ADORA2B: variants seen among roughly 807,000 people sequenced by gnomAD.
ADORA2B encodes the protein adenosine receptor A2b.
In ADORA2B, 18 loss-of-function variants were observed where a neutral mutation model predicts 20.8. That is an observed-to-expected ratio of 0.87 (90% CI 0.60 to 1.29). The LOEUF (loss-of-function observed/expected upper bound fraction) is 1.29, where lower values mean the gene tolerates loss of function less well. Among genes scored for constraint, ADORA2B ranks in the 50% most tolerant of loss-of-function variants. ADORA2B has a pLI of 0.00. For synonymous variants in ADORA2B, 179 were observed against 178.3 expected, an observed-to-expected ratio of 1.00 and a Z score of -0.03; for missense variants, 441 against 422.7, an observed-to-expected ratio of 1.04 and a Z score of -0.38.
chr17:15,953,934 A>G (rs1008395949), intron 1 of ADORA2B, among the ~76,000 whole-genome samples: 13 of 151,682 alleles, frequency 8.6e-5, no homozygotes, highest in African/African-American at 3.1e-4. Flanking sequence ...TATTGAACAC[A>G]TTTGCATTAT....
the ADORA2B span, among the ~76,000 whole-genome samples, chr17:15,876,458 T>C: frequency 6.7e-6 from 1 of 150,230 alleles, no homozygotes; most frequent in African/African-American, 2.4e-5. Flanking sequence ...TCTTTTTTTT[T>C]TTTTTTGTCA....
At chr17:15,870,275 A>G in the ADORA2B span, among the ~76,000 whole-genome samples, 2 of 146,102 alleles carry the variant, frequency 1.4e-5, no homozygotes, top group East Asian at 3.9e-4. Flanking sequence ...ATTAACTGCA[A>G]TTACTTTTGC....
intron 1 of ADORA2B, among the ~76,000 whole-genome samples, chr17:15,962,861 G>T (rs1397022088): frequency 2.0e-5 from 3 of 152,158 alleles, no homozygotes; most frequent in African/African-American, 4.8e-5. Context: ...GTGAGAGAGG[G>T]CCCTTACAAG....
the ADORA2B span, among the ~76,000 whole-genome samples, chr17:15,872,998 G>A: frequency 6.6e-6 from 1 of 152,102 alleles, no homozygotes; most frequent in Non-Finnish European, 1.5e-5. Flanking sequence ...TGGGGAATGT[G>A]TTCAACTTTT....
chr17:15,963,270 A>G (rs1970062293), intron 1 of ADORA2B, among the ~76,000 whole-genome samples: 1 of 152,240 alleles, frequency 6.6e-6, no homozygotes, highest in Admixed American at 6.5e-5. Context: ...CTTGTAGGTG[A>G]AAGTTTGATG....
chr17:15,941,960 G>A (rs1424425772), upstream of ADORA2B, among the ~76,000 whole-genome samples: 2 of 152,008 alleles, frequency 1.3e-5, no homozygotes, highest in African/African-American at 4.8e-5. Context: ...AGAGGGGCGG[G>A]TTGTTGTGTG....
At chr17:15,916,524 AG>A in the ADORA2B span, among the ~76,000 whole-genome samples, 1 of 150,250 alleles carries the variant, frequency 6.7e-6, no homozygotes, top group African/African-American at 2.4e-5. Context: ...CTGAGCAAGG[AG>A]GGGGGGTACA....
At chr17:15,973,672 C>T (rs1331239240) in intron 1 of ADORA2B, among the ~76,000 whole-genome samples, 3 of 152,296 alleles carry the variant, frequency 2.0e-5, no homozygotes, top group African/African-American at 4.8e-5. Context: ...TAATGCATCA[C>T]CCCCCGCCCC....
At chr17:15,878,144 C>T in the ADORA2B span, among the ~76,000 whole-genome samples, 1 of 150,700 alleles carries the variant, frequency 6.6e-6, no homozygotes, top group Admixed American at 6.6e-5. Context: ...ATATCTGTCA[C>T]AGAGGTTCCA....
intron 1 of ADORA2B, among the ~76,000 whole-genome samples, chr17:15,946,078 A>G (rs1969802012): frequency 6.6e-6 from 1 of 152,166 alleles, no homozygotes; most frequent in South Asian, 2.1e-4. Flanking sequence ...GCAACTTTGG[A>G]CGCTGGGCAT....
the ADORA2B span, among the ~76,000 whole-genome samples, chr17:15,888,980 A>G: frequency 2.8e-5 from 3 of 108,826 alleles, 1 homozygote; most frequent in Non-Finnish European, 5.4e-5. Flanking sequence ...CTCCTGCCTC[A>G]GCCTCTCCAG....
the ADORA2B span, among the ~76,000 whole-genome samples, chr17:15,927,731 C>T: frequency 6.6e-6 from 1 of 152,160 alleles, no homozygotes; most frequent in Non-Finnish European, 1.5e-5. Flanking sequence ...CTCAGCCCAG[C>T]AAGGGCAGAG....
chr17:15,852,092 T>C, the ADORA2B span, among the ~76,000 whole-genome samples: 3 of 152,224 alleles, frequency 2.0e-5, no homozygotes, highest in African/African-American at 7.2e-5. Flanking sequence ...TATTAGTCTT[T>C]TTCCTATTTG....
Position 15,960,361 on chromosome 17 carries a change from T to C in ADORA2B, c.336-14318T>C, listed in dbSNP as rs1284467429. On this transcript the variant is annotated intron_variant, in intron 1 of 1. Transcript: ENST00000304222. The stretch of plus-strand genomic sequence containing the variant: ...CGAGGTCAGGAGATCGAGACCATCC[T>C]GGCTAACACGGTGAAACCCCGTCTC... Among the ~76,000 whole-genome samples, 47 of 13,540 alleles carry C rather than the reference T, an allele frequency of 3.5e-3. 20 individuals are homozygous for C. Among genetic ancestry groups the C allele is most frequent in the Middle Eastern group, 0.2 (2 of 10 alleles). 8.9% of individuals were successfully genotyped at this position (13,540 alleles called of 152,430 possible). A position where few individuals can be genotyped will look rare whatever the true frequency, so the allele number is the denominator to read the frequency against.
chr17:15,937,190 T>C, the ADORA2B span, among the ~76,000 whole-genome samples: 5 of 152,354 alleles, frequency 3.3e-5, no homozygotes, highest in African/African-American at 4.8e-5. Flanking sequence ...CCAGGGTTTG[T>C]GGTTGATACT....
At chr17:15,894,290 C>T in the ADORA2B span, among the ~76,000 whole-genome samples, 2 of 152,122 alleles carry the variant, frequency 1.3e-5, no homozygotes, top group East Asian at 1.9e-4. Flanking sequence ...AAGGATAAGT[C>T]GTCAAAGAGC....
chr17:15,889,053 A>G, the ADORA2B span, among the ~76,000 whole-genome samples: 3 of 118,970 alleles, frequency 2.5e-5, 1 homozygote, highest in East Asian at 6.4e-4. Flanking sequence ...AATAGAGACA[A>G]GCTTTCACCA....
At chr17:15,972,138 G>A (rs1970195549) in intron 1 of ADORA2B, among the ~76,000 whole-genome samples, 1 of 152,174 alleles carries the variant, frequency 6.6e-6, no homozygotes, top group African/African-American at 2.4e-5. Flanking sequence ...AGGTGAGCAA[G>A]AAAGGAAGTG....
At chr17:15,888,880 C>G in the ADORA2B span, among the ~76,000 whole-genome samples, 4 of 7,582 alleles carry the variant, frequency 5.3e-4, no homozygotes, top group Middle Eastern at 0.071. Flanking sequence ...TTTTTTTTTT[C>G]GAGACAGAGT....
Sources: gnomAD v4.1 joint callset for allele counts (sites outside exome capture counted in the v4.1 genomes callset) on GRCh38, gnomAD v4.1.1 for gene constraint, MANE v1.5 for transcripts, NCBI Gene and HGNC (gene_info 2026-07-23, HGNC 2026-07-21) for gene names.